FOXP1: variants seen among roughly 807,000 people sequenced by gnomAD.
The protein encoded by FOXP1 is forkhead box P1, also known as forkhead box protein P1.
Under a neutral mutation model 98.2 loss-of-function variants are expected in FOXP1, and 15 were observed. That is an observed-to-expected ratio of 0.15 (90% CI 0.10 to 0.24). The LOEUF (loss-of-function observed/expected upper bound fraction) is 0.24, where lower values mean the gene tolerates loss of function less well. FOXP1 is among the 10% of genes least tolerant of loss of function. FOXP1 has a pLI of 1.00. For missense variants in FOXP1, 633 were observed against 848.5 expected, an observed-to-expected ratio of 0.75 and a Z score of 3.15; for synonymous variants, 371 against 314.5, an observed-to-expected ratio of 1.18 and a Z score of -1.90.
chr3:71,190,734 T>C (rs1402718155), intron 6 of FOXP1, among the ~76,000 whole-genome samples: 1 of 152,006 alleles, frequency 6.6e-6, no homozygotes, highest in East Asian at 1.9e-4. Context: ...AGCTCACTTA[T>C]GAGCCCACTT....
At chr3:70,965,825 T>G in intron 20 of FOXP1, 65 bp downstream of exon 20, 1 of 1,502,996 alleles carries the variant, frequency 6.7e-7, no homozygotes, top group Non-Finnish European at 9.3e-7. Context: ...AAGGGCTGTC[T>G]CCCTGCGTGT....
intron 12 of FOXP1, among the ~76,000 whole-genome samples, chr3:71,009,291 T>C (rs2043238269): frequency 6.6e-6 from 1 of 151,340 alleles, no homozygotes; most frequent in Non-Finnish European, 1.5e-5. Context: ...GCTAAAAATA[T>C]GTTGGTGACA....
chr3:71,402,727 A>T (rs558057242), intron 3 of FOXP1, among the ~76,000 whole-genome samples: 1 of 152,382 alleles, frequency 6.6e-6, no homozygotes, highest in African/African-American at 2.4e-5. Flanking sequence ...GGGTACCCCA[A>T]GCTCCTGATG....
At chr3:71,134,464 G>A (rs1482758801) in intron 6 of FOXP1, among the ~76,000 whole-genome samples, 1 of 152,164 alleles carries the variant, frequency 6.6e-6, no homozygotes, top group African/African-American at 2.4e-5. Flanking sequence ...GAGATAGGTA[G>A]GTAGGTAGAT....
At chr3:71,175,631 T>G (rs973663416) in intron 6 of FOXP1, among the ~76,000 whole-genome samples, 1 of 152,184 alleles carries the variant, frequency 6.6e-6, no homozygotes. Context: ...AGTGATTTCA[T>G]GGTAAAGCAA....
intron 17 of FOXP1, among the ~76,000 whole-genome samples, chr3:70,973,577 T>G (rs1254587968): frequency 6.6e-6 from 1 of 152,154 alleles, no homozygotes; most frequent in African/African-American, 2.4e-5. Context: ...CAACCCTTAC[T>G]GGGTACAGTA....
intron 3 of FOXP1, among the ~76,000 whole-genome samples, chr3:71,378,855 T>C (rs2079928363): frequency 6.6e-6 from 1 of 152,122 alleles, no homozygotes; most frequent in Admixed American, 6.5e-5. Context: ...TAGGGTTTAG[T>C]ACTATCTGTA....
chr3:71,537,423 G>A (rs370234212), intron 2 of FOXP1, among the ~76,000 whole-genome samples: 8 of 152,198 alleles, frequency 5.3e-5, no homozygotes, highest in Non-Finnish European at 8.8e-5. Flanking sequence ...AGGGAGTGAA[G>A]GAAGTGTGCA....
intron 2 of FOXP1, among the ~76,000 whole-genome samples, chr3:71,540,083 C>A (rs754759735): frequency 2.0e-5 from 3 of 152,132 alleles, no homozygotes; most frequent in Non-Finnish European, 4.4e-5. Context: ...TTCTTCAAGC[C>A]CTAGGTTGGT....
intron 3 of FOXP1, among the ~76,000 whole-genome samples, chr3:71,444,408 G>A (rs1246191128): frequency 1.3e-5 from 2 of 151,584 alleles, no homozygotes; most frequent in African/African-American, 2.4e-5. Flanking sequence ...CAAACCCGGG[G>A]GTGGGGACAG....
intron 3 of FOXP1, among the ~76,000 whole-genome samples, chr3:71,415,980 C>T (rs773009584): frequency 2.6e-5 from 4 of 152,142 alleles, no homozygotes; most frequent in Admixed American, 2.6e-4. Context: ...CGGCATCTTT[C>T]GTCACAGGAA....
At chr3:71,444,361 C>T (rs1021177412) in intron 3 of FOXP1, among the ~76,000 whole-genome samples, 4 of 148,650 alleles carry the variant, frequency 2.7e-5, no homozygotes, top group African/African-American at 7.3e-5. Flanking sequence ...AGGCCTCAAA[C>T]AATCAAGGAT....
intron 6 of FOXP1, among the ~76,000 whole-genome samples, chr3:71,180,866 TA>T (rs912368531): frequency 6.6e-6 from 1 of 152,242 alleles, no homozygotes; most frequent in African/African-American, 2.4e-5. Context: ...ACTCTGCGTC[TA>T]AATTTAAAAC....
At chr3:71,583,473 T>A (rs2048357575) in intron 1 of FOXP1, 98 bp downstream of exon 1, 1 of 983,240 alleles carries the variant, frequency 1.0e-6, no homozygotes, top group Admixed American at 6.2e-5. Context: ...TTCTTTTTTT[T>A]TTTTTGTGCT....
intron 3 of FOXP1, among the ~76,000 whole-genome samples, chr3:71,401,174 ATCTTT>A (rs1355009952): frequency 1.3e-5 from 2 of 152,232 alleles, no homozygotes; most frequent in African/African-American, 4.8e-5. Context: ...CATCAACATT[ATCTTT>A]ATTTATCAAC....
At chr3:71,056,977 T>A (rs538323681) in intron 7 of FOXP1, among the ~76,000 whole-genome samples, 1 of 152,320 alleles carries the variant, frequency 6.6e-6, no homozygotes, top group African/African-American at 2.4e-5. Context: ...CGAGAGGCTA[T>A]TACAGCCCAC....
chr3:71,061,951 C>T (rs575668795), intron 7 of FOXP1, among the ~76,000 whole-genome samples: 7 of 152,264 alleles, frequency 4.6e-5, no homozygotes, highest in Admixed American at 3.9e-4. Flanking sequence ...CAAGACAAAC[C>T]TGAACTTTCA....
At chr3:71,017,680 G>C (rs1247273787) in intron 11 of FOXP1, among the ~76,000 whole-genome samples, 1 of 152,036 alleles carries the variant, frequency 6.6e-6, no homozygotes, top group East Asian at 1.9e-4. Flanking sequence ...CTTAACTCTA[G>C]TTATATGCCA....
intron 16 of FOXP1, among the ~76,000 whole-genome samples, chr3:70,977,354 C>T (rs2037786891): frequency 6.6e-6 from 1 of 152,102 alleles, no homozygotes; most frequent in African/African-American, 2.4e-5. Context: ...TTATTTAGAG[C>T]TCAGATTAAT....
Sources: gnomAD v4.1 joint callset for allele counts (sites outside exome capture counted in the v4.1 genomes callset) on GRCh38, gnomAD v4.1.1 for gene constraint, MANE v1.5 for transcripts, NCBI Gene and HGNC (gene_info 2026-07-23, HGNC 2026-07-21) for gene names.